The following SCAPER variants were observed in gnomAD, a reference collection of about 807,000 sequenced individuals.
SCAPER encodes S-phase cyclin A associated protein in the ER.
A neutral mutation model predicts 182.2 loss-of-function variants in SCAPER; 98 were observed. The ratio of observed to expected loss-of-function variants is 0.54; its 90% CI spans 0.46 to 0.64. The LOEUF is 0.64. Ranked by LOEUF, SCAPER falls within the 30% of genes least tolerant of loss-of-function variation. The pLI, the probability that SCAPER is intolerant of heterozygous loss-of-function variation, is 0.00. For missense variants in SCAPER, 1,432 were observed against 1,690.0 expected (o/e 0.85, Z 2.68); for synonymous variants, 605 against 564.6 (o/e 1.07, Z -1.01).
chr15:76,769,230 C>A (rs2063299005), intron 10 of SCAPER, among the ~76,000 whole-genome samples: 1 of 151,578 alleles, frequency 6.6e-6, no homozygotes, highest in South Asian at 2.1e-4. Context: ...ATCACGAGGT[C>A]AGGATATCGA....
At chr15:76,641,362 T>C (rs1413693420) in intron 21 of SCAPER, among the ~76,000 whole-genome samples, 3 of 152,152 alleles carry the variant, frequency 2.0e-5, no homozygotes, top group Non-Finnish European at 4.4e-5. Context: ...CACCTCATAA[T>C]CAAATGACCC....
At position 76,656,359 on chromosome 15, in the gene SCAPER, A is replaced by C. The variant is rs557643764; in HGVS notation, c.2645+9294T>G. Among the ~76,000 whole-genome samples the C allele has an allele frequency of 5.9e-5, 9 of 152,352 alleles. 1 individual carries two copies. The highest frequency in any genetic ancestry group is 2.2e-4 in the African/African-American group (9 of 41,590). ...CAACAAGAAGACCTAACTATACTAA[A>C]CATGTATGCACCAAACACAGGAGCA... On this transcript the variant is annotated intron_variant, in intron 21 of 31. Transcript: ENST00000563290.
intron 20 of SCAPER, among the ~76,000 whole-genome samples, chr15:76,678,968 T>A (rs984492765): frequency 6.6e-6 from 1 of 152,180 alleles, no homozygotes; most frequent in African/African-American, 2.4e-5. Flanking sequence ...GAATCTGTAG[T>A]AAACTGTTCT....
At chr15:76,736,199 G>A (rs74654398) in intron 15 of SCAPER, among the ~76,000 whole-genome samples, 10,204 of 152,168 alleles carry the variant, frequency 0.067, 379 homozygotes, top group Middle Eastern at 0.11. Context: ...AACAATGTAC[G>A]CACCTTAATT....
chr15:76,792,185 T>C (rs1038733475), intron 8 of SCAPER, among the ~76,000 whole-genome samples: 5 of 151,926 alleles, frequency 3.3e-5, no homozygotes, highest in Admixed American at 6.5e-5. Flanking sequence ...AATTCAGATA[T>C]AAAGGTAATA....
intron 19 of SCAPER, among the ~76,000 whole-genome samples, chr15:76,702,123 A>G (rs897328334): frequency 2.6e-5 from 4 of 152,116 alleles, no homozygotes; most frequent in Non-Finnish European, 4.4e-5. Context: ...AGATCGTGCC[A>G]CTGCACTCCA....
At position 76,495,991 on chromosome 15, in the gene SCAPER, G is replaced by GACACACAC. The variant is rs1393549578; in HGVS notation, c.2954+8867_2954+8868insGTGTGTGT. Among the ~76,000 whole-genome samples, 198 of 100,974 alleles carry GACACACAC rather than the reference G, an allele frequency of 2.0e-3. 2 individuals are homozygous for GACACACAC. Among genetic ancestry groups the GACACACAC allele is most frequent in the Middle Eastern group, 0.019 (4 of 210 alleles). 66.2% of individuals were successfully genotyped at this position (100,974 alleles called of 152,430 possible). A position where few individuals can be genotyped will look rare whatever the true frequency, so the allele number is the denominator to read the frequency against. Reference sequence around the variant, plus strand: ...AGAAAGAGAAAGAAAGCAAAAGAGAGAGACACACACACACACACACACACA... The same window carrying GACACACAC: ...AGAAAGAGAAAGAAAGCAAAAGAGAGACACACACAGACACACACACACACACACACACA... On this transcript the variant is annotated intron_variant, in intron 24 of 31. Coordinates refer to ENST00000563290, the MANE Select transcript of SCAPER (RefSeq NM_020843.4).
chr15:76,695,596 CA>C (rs36040189), intron 20 of SCAPER, among the ~76,000 whole-genome samples: 82 of 111,990 alleles, frequency 7.3e-4, no homozygotes, highest in African/African-American at 9.0e-4. Context: ...GACTCCGTCT[CA>C]AAAAAAAAAA....
intron 20 of SCAPER, among the ~76,000 whole-genome samples, chr15:76,669,169 T>C (rs2056833713): frequency 6.6e-6 from 1 of 151,666 alleles, no homozygotes; most frequent in Admixed American, 6.6e-5. Context: ...AGCTACAGAG[T>C]TGTGCTCACT....
chr15:76,811,744 C>T (rs770491043), intron 5 of SCAPER, among the ~76,000 whole-genome samples: 3 of 151,456 alleles, frequency 2.0e-5, no homozygotes, highest in Non-Finnish European at 2.9e-5. Context: ...GCTGAGATCA[C>T]GCCATTGCAC....
chr15:76,387,694 G>A (rs2043378820), intron 27 of SCAPER, among the ~76,000 whole-genome samples: 1 of 152,140 alleles, frequency 6.6e-6, no homozygotes, highest in Non-Finnish European at 1.5e-5. Flanking sequence ...TGCCCTAGAA[G>A]CAAAGCAAAG....
At chr15:76,446,102 C>A (rs550011151) in intron 25 of SCAPER, among the ~76,000 whole-genome samples, 1 of 152,168 alleles carries the variant, frequency 6.6e-6, no homozygotes, top group South Asian at 2.1e-4. Context: ...TTCACTTAAT[C>A]GACACAACAC....
At chr15:76,431,703 A>AAAAAAAAAAAAAAAAAAAAAAC (rs2046879702) in intron 26 of SCAPER, among the ~76,000 whole-genome samples, 1 of 127,744 alleles carries the variant, frequency 7.8e-6, no homozygotes, top group African/African-American at 2.7e-5. Context: ...AAAAAAAAAA[A>AAAAAAAAAAAAAAAAAAAAAAC]ATGCTTTGTT....
intron 27 of SCAPER, among the ~76,000 whole-genome samples, chr15:76,394,077 C>T (rs2043885687): frequency 6.6e-6 from 1 of 152,166 alleles, no homozygotes; most frequent in African/African-American, 2.4e-5. Context: ...TAATTTGTTG[C>T]AGTTATTGTA....
At chr15:76,631,212 C>A (rs919398644) in intron 21 of SCAPER, among the ~76,000 whole-genome samples, 1 of 152,152 alleles carries the variant, frequency 6.6e-6, no homozygotes, top group African/African-American at 2.4e-5. Flanking sequence ...CTTTTGAATG[C>A]AGCACACTGA....
chr15:76,408,959 G>T (rs1255570031), intron 26 of SCAPER, among the ~76,000 whole-genome samples: 1 of 152,122 alleles, frequency 6.6e-6, no homozygotes, highest in Admixed American at 6.5e-5. Context: ...GCATTGTAAA[G>T]CCAAGGCAAA....
At chr15:76,752,585 C>T (rs3102718) in intron 15 of SCAPER, among the ~76,000 whole-genome samples, 148,296 of 151,854 alleles carry the variant, frequency 0.98, 72,503 homozygotes, top group South Asian at 1. Context: ...TGCTATAACA[C>T]TGAAGACCTT....
In SCAPER at chr15:76,623,178, ACTT is replaced by A. The variant is rs2052255811; in HGVS notation, c.2646-1352_2646-1350del. 8.5e-5 allele frequency among the ~76,000 whole-genome samples: 13 copies of A among 152,296 alleles called. No homozygotes were observed. In the South Asian group the frequency reaches 2.7e-3, roughly 32 times the overall value. ...CCTTTGGATGCATAGTTTGTGAAAT[ACTT>A]TCTCCCATTCTGTAGGTTATCTGTT... is the stretch of plus-strand genomic sequence containing the variant. On this transcript the variant is annotated intron_variant, in intron 21 of 31. Coordinates refer to ENST00000563290, the MANE Select transcript of SCAPER (RefSeq NM_020843.4).
chr15:76,642,372 A>G (rs2054170107), intron 21 of SCAPER, among the ~76,000 whole-genome samples: 1 of 152,212 alleles, frequency 6.6e-6, no homozygotes. Flanking sequence ...AGCAACTGGG[A>G]AGGATTACTC....
Sources: allele counts gnomAD v4.1 joint callset (sites outside exome capture counted in the v4.1 genomes callset), GRCh38; gene constraint gnomAD v4.1.1; transcripts MANE v1.5; gene names NCBI Gene and HGNC (gene_info 2026-07-23, HGNC 2026-07-21).